The following AGMO variants were observed in gnomAD, a reference collection of about 807,000 sequenced individuals.
The protein encoded by AGMO is glyceryl-ether monooxygenase.
In AGMO, 75 loss-of-function variants were observed where a neutral mutation model predicts 60.2. That is an observed-to-expected ratio of 1.25 (90% CI 1.03 to 1.51). The LOEUF (loss-of-function observed/expected upper bound fraction) is 1.51. AGMO is among the 40% of genes most tolerant of loss of function. AGMO has a pLI of 0.00. For missense variants in AGMO, 763 were observed against 525.5 expected, an observed-to-expected ratio of 1.45 and a Z score of -4.42; for synonymous variants, 261 against 177.1, an observed-to-expected ratio of 1.47 and a Z score of -3.76.
intron 3 of AGMO, among the ~76,000 whole-genome samples, chr7:15,455,081 T>TCACACACACACACA (rs34074240): frequency 6.8e-6 from 1 of 146,114 alleles, no homozygotes; most frequent in Non-Finnish European, 1.5e-5. Flanking sequence ...TCTCTCTTTC[T>TCACACACACACACA]CACACACACA....
At chr7:15,370,814 A>T (rs1783179222) in intron 10 of AGMO, among the ~76,000 whole-genome samples, 2 of 152,120 alleles carry the variant, frequency 1.3e-5, no homozygotes, top group South Asian at 4.1e-4. Context: ...GGTAGTTGGC[A>T]AATATTTTCT....
intron 2 of AGMO, among the ~76,000 whole-genome samples, chr7:15,556,218 A>ATT (rs1785131093): frequency 1.2e-5 from 1 of 80,996 alleles, no homozygotes; most frequent in African/African-American, 5.3e-5. Flanking sequence ...CCTCCTTTTT[A>ATT]GTTTTTTTTT....
chr7:15,544,635 CATT>C, intron 3 of AGMO, 134 bp downstream of exon 3: 1 of 748,646 alleles, frequency 1.3e-6, no homozygotes, highest in East Asian at 3.5e-5. Context: ...AGTAAACCTT[CATT>C]ATTAATTTTT....
chr7:15,493,461 C>T (rs1335292092), intron 3 of AGMO, among the ~76,000 whole-genome samples: 1 of 149,010 alleles, frequency 6.7e-6, no homozygotes, highest in East Asian at 2.0e-4. Context: ...GCAAGCTCCG[C>T]CTCCCGGGTT....
At chr7:15,373,383 C>G (rs1423487252) in intron 10 of AGMO, among the ~76,000 whole-genome samples, 1 of 152,070 alleles carries the variant, frequency 6.6e-6, no homozygotes, top group African/African-American at 2.4e-5. Context: ...CCTATCTACT[C>G]CAACTTTCTT....
chr7:15,531,415 T>C (rs1562557240), intron 3 of AGMO, among the ~76,000 whole-genome samples: 7 of 86,358 alleles, frequency 8.1e-5, no homozygotes, highest in African/African-American at 3.9e-4. Flanking sequence ...TCTATATATA[T>C]TCTATATATA....
chr7:15,232,712 C>T (rs1305872506), intron 12 of AGMO, among the ~76,000 whole-genome samples: 2 of 151,390 alleles, frequency 1.3e-5, no homozygotes, highest in East Asian at 1.9e-4. Flanking sequence ...AACAAAATTG[C>T]CTCAATTACA....
intron 3 of AGMO, among the ~76,000 whole-genome samples, chr7:15,452,578 C>T (rs1363837946): frequency 6.6e-6 from 1 of 151,986 alleles, no homozygotes; most frequent in East Asian, 1.9e-4. Flanking sequence ...AAAAGATGGA[C>T]AATATTAAAT....
chr7:15,351,234 A>G (rs989101614), intron 12 of AGMO, among the ~76,000 whole-genome samples: 1 of 152,152 alleles, frequency 6.6e-6, no homozygotes, highest in African/African-American at 2.4e-5. Context: ...ATTTAAACTT[A>G]TCTCTATTGT....
intron 12 of AGMO, among the ~76,000 whole-genome samples, chr7:15,346,209 T>A (rs1348316302): frequency 6.6e-6 from 1 of 152,108 alleles, no homozygotes; most frequent in Admixed American, 6.6e-5. Context: ...TAACTTTCAA[T>A]CAGCAATGTA....
intron 12 of AGMO, among the ~76,000 whole-genome samples, chr7:15,352,223 C>G (rs1428451366): frequency 6.6e-6 from 1 of 152,140 alleles, no homozygotes; most frequent in Non-Finnish European, 1.5e-5. Context: ...AATAAATATA[C>G]AATCCAAATT....
At chr7:15,425,810 T>C (rs112350505) in intron 4 of AGMO, among the ~76,000 whole-genome samples, 4 of 152,300 alleles carry the variant, frequency 2.6e-5, no homozygotes, top group African/African-American at 9.6e-5. Flanking sequence ...GTTATAAACA[T>C]ACTGTGCTAA....
At chr7:15,529,620 A>AGT (rs1784230256) in intron 3 of AGMO, among the ~76,000 whole-genome samples, 1 of 27,346 alleles carries the variant, frequency 3.7e-5, no homozygotes, top group African/African-American at 2.3e-4. Context: ...ATATATATAG[A>AGT]ATATATATAT....
chr7:15,246,626 TTGA>T lies in AGMO; in HGVS notation c.1264-45270_1264-45268del, dbSNP rs141398127. On this transcript the variant is annotated intron_variant, in intron 12 of 12. Transcript: ENST00000342526. ...CTTTCCATGGTAACGGGGTCTTCAGTTGATGATTCCTCTCCTGTACTGAAGACC... is the reference window on the plus strand; with the variant it reads ...CTTTCCATGGTAACGGGGTCTTCAGTTGATTCCTCTCCTGTACTGAAGACC... Among the ~76,000 whole-genome samples, 261 of 152,298 alleles carry T rather than the reference TTGA, an allele frequency of 1.7e-3. 2 individuals carry two copies. Among genetic ancestry groups the T allele is most frequent in the African/African-American group, 5.8e-3 (239 of 41,556 alleles).
At chr7:15,179,198 G>T in the AGMO span, among the ~76,000 whole-genome samples, 5,213 of 151,966 alleles carry the variant, frequency 0.034, 116 homozygotes, top group East Asian at 0.067. Context: ...AACATCAGTC[G>T]GGAGCCATCA....
intron 3 of AGMO, among the ~76,000 whole-genome samples, chr7:15,491,112 T>C (rs1420655856): frequency 6.6e-6 from 1 of 152,174 alleles, no homozygotes; most frequent in Non-Finnish European, 1.5e-5. Context: ...CTATATTTAT[T>C]TATCAGTCTC....
At chr7:15,340,706 T>TAG (rs1271893844) in intron 12 of AGMO, among the ~76,000 whole-genome samples, 2 of 152,162 alleles carry the variant, frequency 1.3e-5, no homozygotes, top group Non-Finnish European at 2.9e-5. Flanking sequence ...AACCTCCACC[T>TAG]AGATTTCAGA....
At chr7:15,543,781 A>C (rs576151867) in intron 3 of AGMO, among the ~76,000 whole-genome samples, 2 of 151,992 alleles carry the variant, frequency 1.3e-5, no homozygotes, top group East Asian at 3.9e-4. Flanking sequence ...TCCTCTGCGT[A>C]AAGAAGGAAA....
the AGMO span, among the ~76,000 whole-genome samples, chr7:15,170,450 T>C: frequency 6.6e-6 from 1 of 152,218 alleles, no homozygotes; most frequent in African/African-American, 2.4e-5. Context: ...AATCAAGGAA[T>C]AACCAAGGTT....
Sources: allele counts gnomAD v4.1 joint callset (sites outside exome capture counted in the v4.1 genomes callset), GRCh38; gene constraint gnomAD v4.1.1; transcripts MANE v1.5; gene names NCBI Gene and HGNC (gene_info 2026-07-23, HGNC 2026-07-21).